Variants in SH3GL3 observed in about 807,000 individuals in gnomAD.
SH3GL3 encodes endophilin-A3.
A neutral mutation model predicts 47.7 loss-of-function variants in SH3GL3; 33 were observed. The ratio of observed to expected loss-of-function variants is 0.69; its 90% CI spans 0.52 to 0.92. The LOEUF (loss-of-function observed/expected upper bound fraction) is 0.92, where lower values mean the gene tolerates loss of function less well. Ranked by LOEUF, SH3GL3 falls within the 40% of genes least tolerant of loss-of-function variation. The pLI is 0.00. For missense variants in SH3GL3, 363 were observed against 417.8 expected (o/e 0.87, Z 1.14); for synonymous variants, 155 against 148.8 (o/e 1.04, Z -0.30).
intron 8 of SH3GL3, among the ~76,000 whole-genome samples, chr15:83,591,725 A>G (rs550762774): frequency 2.3e-4 from 35 of 151,960 alleles, no homozygotes; most frequent in East Asian, 3.9e-4. Flanking sequence ...TTGCTCTGTC[A>G]CCCAGGCTGG....
intron 1 of SH3GL3, among the ~76,000 whole-genome samples, chr15:83,540,100 T>C (rs2044089073): frequency 6.6e-6 from 1 of 152,198 alleles, no homozygotes; most frequent in African/African-American, 2.4e-5. Context: ...CATGTGTTGT[T>C]TAATTTCCAA....
At chr15:83,557,827 G>C (rs1323814737) in intron 1 of SH3GL3, among the ~76,000 whole-genome samples, 1 of 152,208 alleles carries the variant, frequency 6.6e-6, no homozygotes, top group Admixed American at 6.5e-5. Context: ...AGATTCACTA[G>C]GTGGGAAGAT....
rs1042095324 is a variant in SH3GL3, at chr15:83,491,131, T to C, written c.45+43553T>C. Among the ~76,000 whole-genome samples the C allele has an allele frequency of 4.6e-5, 7 of 152,298 alleles. No individual in the cohort carries two copies. In the East Asian group the frequency reaches 1.2e-3, roughly 25 times the overall value. Reference sequence around the variant, plus strand: ...TGTGGGTACAGAGAAAAGTAAGACATTAGAAGTCCTTATGTGTGTTTTGGA... The same window carrying C: ...TGTGGGTACAGAGAAAAGTAAGACACTAGAAGTCCTTATGTGTGTTTTGGA... On this transcript the variant is annotated intron_variant, in intron 1 of 8. Coordinates refer to ENST00000427482, the MANE Select transcript of SH3GL3 (RefSeq NM_003027.5).
At chr15:83,487,203 GT>G (rs34332284) in intron 1 of SH3GL3, among the ~76,000 whole-genome samples, 72,423 of 126,596 alleles carry the variant, frequency 0.57, 19,272 homozygotes, top group African/African-American at 0.75. Context: ...CGGTTTACCT[GT>G]TTTTTTTTTT....
At chr15:83,461,808 C>A (rs1300016344) in intron 1 of SH3GL3, among the ~76,000 whole-genome samples, 3 of 152,096 alleles carry the variant, frequency 2.0e-5, no homozygotes, top group African/African-American at 7.2e-5. Flanking sequence ...AAAGTTCAAT[C>A]TGAGATTCAA....
intron 1 of SH3GL3, among the ~76,000 whole-genome samples, chr15:83,473,542 T>C (rs1434496868): frequency 6.6e-6 from 1 of 151,590 alleles, no homozygotes; most frequent in Non-Finnish European, 1.5e-5. Flanking sequence ...GAGCAGACAT[T>C]TGTTGGGGCT....
chr15:83,533,495 G>A (rs566661364), intron 1 of SH3GL3, among the ~76,000 whole-genome samples: 4 of 152,294 alleles, frequency 2.6e-5, no homozygotes, highest in South Asian at 4.1e-4. Flanking sequence ...TCCATGTTCA[G>A]TATCCATGTG....
At chr15:83,526,270 A>G (rs1018964925) in intron 1 of SH3GL3, among the ~76,000 whole-genome samples, 2 of 152,184 alleles carry the variant, frequency 1.3e-5, no homozygotes, top group African/African-American at 4.8e-5. Flanking sequence ...TTCCTCAGAG[A>G]GCTAAAAATA....
intron 2 of SH3GL3, among the ~76,000 whole-genome samples, chr15:83,561,948 A>G (rs1366661269): frequency 1.3e-5 from 2 of 151,486 alleles, no homozygotes; most frequent in Non-Finnish European, 2.9e-5. Context: ...AATTTTTACC[A>G]TTCTGCTTCC....
Position 83,568,545 on chromosome 15 carries a change from A to G in SH3GL3, c.204A>G (p.Leu68=), listed in dbSNP as rs1377780006. 3 of 1,613,262 alleles carry G rather than the reference A, an allele frequency of 1.9e-6. No homozygotes were observed. The highest frequency in any genetic ancestry group is 2.2e-5 in the East Asian group (1 of 44,854). The change falls in exon 4 of 9, where the codon CTA becomes CTG. Residue 68 remains leucine, a synonymous_variant. Coordinates refer to ENST00000427482, the MANE Select transcript of SH3GL3 (RefSeq NM_003027.5). The part of the protein sequence containing the change: ...LQPNPAYRAK[L]GMLNTVSKIR... ...GTTTTTAAGCATACAGAGCTAAGCT[A>G]GGAATGCTGAACACTGTGTCGAAGA...
intron 1 of SH3GL3, among the ~76,000 whole-genome samples, chr15:83,474,712 T>C (rs75528324): frequency 0.019 from 2,824 of 152,176 alleles, 75 homozygotes; most frequent in African/African-American, 0.061. Flanking sequence ...CTGTAAACCT[T>C]ATTGGGAGGC....
At chr15:83,519,806 G>A (rs180742321) in intron 1 of SH3GL3, among the ~76,000 whole-genome samples, 3 of 152,180 alleles carry the variant, frequency 2.0e-5, no homozygotes, top group East Asian at 1.9e-4. Flanking sequence ...GTGTTTATAC[G>A]TAGCTGTTTT....
chr15:83,633,332 A>T, the SH3GL3 span, among the ~76,000 whole-genome samples: 1 of 152,100 alleles, frequency 6.6e-6, no homozygotes. Flanking sequence ...AAAAATTATT[A>T]TTTTTCTTCT....
intron 1 of SH3GL3, among the ~76,000 whole-genome samples, chr15:83,528,134 C>T (rs1291724081): frequency 1.3e-5 from 2 of 152,154 alleles, no homozygotes; most frequent in Non-Finnish European, 2.9e-5. Flanking sequence ...TTATTCTCTC[C>T]TTGCTTGTAA....
At chr15:83,474,462 G>C (rs1372364238) in intron 1 of SH3GL3, among the ~76,000 whole-genome samples, 7 of 151,850 alleles carry the variant, frequency 4.6e-5, no homozygotes, top group African/African-American at 1.5e-4. Context: ...AGCTGTGCAG[G>C]CCAAAGAAAT....
At chr15:83,512,704 C>T (rs1158489463) in intron 1 of SH3GL3, among the ~76,000 whole-genome samples, 1 of 152,086 alleles carries the variant, frequency 6.6e-6, no homozygotes, top group East Asian at 1.9e-4. Context: ...GCCTCCCTGG[C>T]CTCCCTACTC....
chr15:83,470,730 G>C (rs1423647400), intron 1 of SH3GL3, among the ~76,000 whole-genome samples: 1 of 152,016 alleles, frequency 6.6e-6, no homozygotes, highest in African/African-American at 2.4e-5. Flanking sequence ...CTGTATTCCT[G>C]TGTGTTAGGT....
intron 1 of SH3GL3, among the ~76,000 whole-genome samples, chr15:83,526,839 T>C (rs1459251338): frequency 1.3e-5 from 2 of 152,176 alleles, no homozygotes; most frequent in South Asian, 2.1e-4. Flanking sequence ...TTAATTCTTC[T>C]AACTCATGAT....
chr15:83,616,612 A>T (rs1238602389), intron 8 of SH3GL3, among the ~76,000 whole-genome samples: 1 of 152,164 alleles, frequency 6.6e-6, no homozygotes, highest in Non-Finnish European at 1.5e-5. Flanking sequence ...TTTAGAAAGA[A>T]TTCATGTTCT....
Sources: allele counts gnomAD v4.1 joint callset (sites outside exome capture counted in the v4.1 genomes callset), GRCh38; gene constraint gnomAD v4.1.1; transcripts MANE v1.5; gene names NCBI Gene and HGNC (gene_info 2026-07-23, HGNC 2026-07-21).